DCDC1: variants seen among roughly 807,000 people sequenced by gnomAD.
The protein encoded by DCDC1 is doublecortin domain-containing protein 1.
DCDC1 carries 200 observed loss-of-function variants against 178.3 expected under a neutral mutation model. The observed-to-expected ratio is 1.12, with a 90% CI of 1.00 to 1.26. The LOEUF (loss-of-function observed/expected upper bound fraction) is 1.26. Among genes scored for constraint, DCDC1 ranks in the 50% most tolerant of loss-of-function variants. DCDC1 has a pLI of 0.00. For synonymous variants in DCDC1, 690 were observed against 604.8 expected (o/e 1.14, Z -2.07); for missense variants, 1,983 against 1,749.2 (o/e 1.13, Z -2.38).
At chr11:30,983,211 A>G (rs890008505) in intron 20 of DCDC1, among the ~76,000 whole-genome samples, 19 of 152,212 alleles carry the variant, frequency 1.2e-4, no homozygotes, top group Non-Finnish European at 2.5e-4. Context: ...ATATTCAACA[A>G]TGGGAATAAC....
At chr11:30,901,209 C>T (rs997332409) in intron 32 of DCDC1, among the ~76,000 whole-genome samples, 1 of 151,988 alleles carries the variant, frequency 6.6e-6, no homozygotes, top group Non-Finnish European at 1.5e-5. Flanking sequence ...CATAAAGAGC[C>T]TATTCGTGAT....
At chr11:30,903,829 T>C (rs951038877) in intron 31 of DCDC1, 146 bp from the exon 32 acceptor site, 1 of 692,338 alleles carries the variant, frequency 1.4e-6, no homozygotes, top group Non-Finnish European at 2.2e-6. Flanking sequence ...ATGCTGATCT[T>C]TGATTACAGA....
At chr11:31,317,889 G>GC in intron 3 of DCDC1, among the ~76,000 whole-genome samples, 1 of 46,624 alleles carries the variant, frequency 2.1e-5, no homozygotes, top group African/African-American at 2.0e-4. Flanking sequence ...TTTGTCAAAG[G>GC]CTTTTTTTGC....
chr11:31,261,041 T>A (rs746815998), intron 8 of DCDC1, among the ~76,000 whole-genome samples: 1 of 152,136 alleles, frequency 6.6e-6, no homozygotes, highest in Non-Finnish European at 1.5e-5. Flanking sequence ...TTTTTGGAGA[T>A]TCTGAAATTA....
chr11:31,132,639 T>C (rs1159420078), intron 10 of DCDC1, among the ~76,000 whole-genome samples: 1 of 152,150 alleles, frequency 6.6e-6, no homozygotes, highest in Admixed American at 6.5e-5. Context: ...TGTGGGGGCA[T>C]CCATGTGGAA....
At chr11:30,881,381 T>G in intron 36 of DCDC1, 73 bp from the exon 37 acceptor site, 62 of 1,533,014 alleles carry the variant, frequency 4.0e-5, no homozygotes, top group Non-Finnish European at 5.2e-5. Context: ...GAACCAACTC[T>G]TCTGAGAAAA....
chr11:31,363,237 T>TAA (rs1192439058), intron 1 of DCDC1, among the ~76,000 whole-genome samples: 2 of 152,062 alleles, frequency 1.3e-5, no homozygotes, highest in African/African-American at 4.8e-5. Context: ...GGGGAGGAAA[T>TAA]AAATCATTTC....
In DCDC1 at chr11:31,084,091, A is replaced by G. The variant is rs184676878; in HGVS notation, c.2238-6166T>C. 2.6e-4 allele frequency among the ~76,000 whole-genome samples: 40 copies of G among 152,274 alleles called. 1 individual carries two copies. The highest frequency in any genetic ancestry group is 9.4e-4 in the African/African-American group (39 of 41,556). On this transcript the variant is annotated intron_variant, in intron 17 of 38. Transcript: ENST00000684477. Reference sequence around the variant, plus strand: ...CACAGATAGAAAAATATATATATTAAAAGGGAAAATACACACGAGCACTTG... The same window carrying G: ...CACAGATAGAAAAATATATATATTAGAAGGGAAAATACACACGAGCACTTG...
At chr11:30,897,045 T>C (rs2134082651) in intron 34 of DCDC1, among the ~76,000 whole-genome samples, 1 of 152,344 alleles carries the variant, frequency 6.6e-6, no homozygotes, top group South Asian at 2.1e-4. Context: ...AACTAAGACT[T>C]GTTCTTATTT....
chr11:31,349,809 TGGACAACATA>T (rs889403859), intron 1 of DCDC1, among the ~76,000 whole-genome samples: 9 of 152,128 alleles, frequency 5.9e-5, no homozygotes, highest in African/African-American at 2.2e-4. Context: ...AAGTCCATAC[TGGACAACATA>T]GCAAGACCCA....
intron 9 of DCDC1, among the ~76,000 whole-genome samples, chr11:31,191,008 C>T (rs954987650): frequency 6.6e-6 from 1 of 152,044 alleles, no homozygotes; most frequent in African/African-American, 2.4e-5. Flanking sequence ...TATTTGCATA[C>T]AGCCTAGGTA....
At chr11:31,138,597 C>T (rs1963443311) in intron 9 of DCDC1, among the ~76,000 whole-genome samples, 1 of 152,150 alleles carries the variant, frequency 6.6e-6, no homozygotes, top group African/African-American at 2.4e-5. Flanking sequence ...ACGGACTTGC[C>T]ATACCATATT....
At chr11:30,946,056 C>T (rs543466497) in intron 21 of DCDC1, among the ~76,000 whole-genome samples, 2 of 152,178 alleles carry the variant, frequency 1.3e-5, no homozygotes, top group South Asian at 4.2e-4. Flanking sequence ...CACTTTTCCC[C>T]CTGAAGATGG....
At chr11:31,148,904 TCCC>T (rs1184515756) in intron 9 of DCDC1, among the ~76,000 whole-genome samples, 3 of 150,930 alleles carry the variant, frequency 2.0e-5, no homozygotes, top group Non-Finnish European at 4.4e-5. Flanking sequence ...CCGCCCAACT[TCCC>T]CCCAAGTCCC....
chr11:31,064,029 G>A (rs1381725396), intron 20 of DCDC1, among the ~76,000 whole-genome samples: 2 of 152,074 alleles, frequency 1.3e-5, no homozygotes, highest in East Asian at 3.9e-4. Context: ...GGGAAATAGG[G>A]TTGATTTGTT....
chr11:31,303,956 T>A (rs1252562395), intron 6 of DCDC1, among the ~76,000 whole-genome samples: 1 of 152,088 alleles, frequency 6.6e-6, no homozygotes, highest in African/African-American at 2.4e-5. Flanking sequence ...AGAGATGGTG[T>A]GAAATTTTCA....
chr11:31,159,365 C>A (rs895880008), intron 9 of DCDC1, among the ~76,000 whole-genome samples: 2 of 152,116 alleles, frequency 1.3e-5, no homozygotes, highest in Non-Finnish European at 2.9e-5. Flanking sequence ...TTTTTAAGTA[C>A]AATTTCATAG....
At chr11:31,219,074 G>C (rs1973938251) in intron 9 of DCDC1, among the ~76,000 whole-genome samples, 2 of 151,860 alleles carry the variant, frequency 1.3e-5, no homozygotes, top group South Asian at 4.2e-4. Context: ...GCCCATGCCT[G>C]AGTTGGTGCT....
intron 20 of DCDC1, among the ~76,000 whole-genome samples, chr11:31,051,395 C>T (rs991221943): frequency 1.3e-5 from 2 of 152,290 alleles, no homozygotes; most frequent in African/African-American, 4.8e-5. Flanking sequence ...TCCTGGAAAA[C>T]ATATTTGGGG....
Sources: allele counts gnomAD v4.1 joint callset (sites outside exome capture counted in the v4.1 genomes callset), GRCh38; gene constraint gnomAD v4.1.1; transcripts MANE v1.5; gene names NCBI Gene and HGNC (gene_info 2026-07-23, HGNC 2026-07-21).